RALYL: variants seen among roughly 807,000 people sequenced by gnomAD.
RALYL encodes RALY RNA binding protein like, also known as RNA-binding Raly-like protein.
In RALYL, 29 loss-of-function variants were observed where a neutral mutation model predicts 35.1. That is an observed-to-expected ratio of 0.83 (90% CI 0.61 to 1.13). The LOEUF (loss-of-function observed/expected upper bound fraction) is 1.13, where lower values mean the gene tolerates loss of function less well. Ranked by LOEUF, RALYL falls within the 50% of genes most tolerant of loss-of-function variation. RALYL has a pLI of 0.00. For synonymous variants in RALYL, 120 were observed against 127.6 expected, an observed-to-expected ratio of 0.94 and a Z score of 0.40; for missense variants, 359 against 360.4, an observed-to-expected ratio of 1.00 and a Z score of 0.03.
At chr8:84,804,473 A>C (rs1440553300) in intron 3 of RALYL, among the ~76,000 whole-genome samples, 1 of 152,228 alleles carries the variant, frequency 6.6e-6, no homozygotes, top group Non-Finnish European at 1.5e-5. Context: ...AAAGAAAATG[A>C]GTAGATACAG....
intron 7 of RALYL, among the ~76,000 whole-genome samples, chr8:84,877,499 T>TATATATAATAA (rs1841401880): frequency 3.3e-5 from 5 of 151,300 alleles, no homozygotes. Context: ...CAAATAAATA[T>TATATATAATAA]ATATATATAT....
chr8:84,735,564 C>G (rs917483088), intron 2 of RALYL, among the ~76,000 whole-genome samples: 6 of 151,928 alleles, frequency 3.9e-5, no homozygotes, highest in Non-Finnish European at 8.8e-5. Flanking sequence ...ATTACTGAGT[C>G]CTAACCTAGT....
intron 1 of RALYL, among the ~76,000 whole-genome samples, chr8:84,389,144 G>T (rs1303640754): frequency 1.3e-5 from 2 of 152,076 alleles, no homozygotes; most frequent in Admixed American, 6.6e-5. Flanking sequence ...TCAAAGATCA[G>T]ATAGTTGTAG....
Position 84,185,105 on chromosome 8 carries a change from C to G in RALYL, c.-24+681C>G, listed in dbSNP as rs1326323306. On this transcript the variant is annotated intron_variant, in intron 1 of 8. Transcript: ENST00000521268. ...GATCTTTTTTTTCCCTGTTGTGTTG[C>G]GTTGGTTTTAAGTGCCTGCTGGTGT... 4.2e-6 allele frequency: 6 copies of G among 1,427,532 alleles called. No homozygotes were observed. The Admixed American group carries it at 1.0e-4, about 24-fold the overall frequency. The allele number at this position is 1,427,532 out of a possible 1,614,324, so 88.4% of individuals were successfully genotyped here. A position where few individuals can be genotyped will look rare whatever the true frequency, so the allele number is the denominator to read the frequency against.
At chr8:84,412,070 T>C (rs1217709088) in intron 1 of RALYL, among the ~76,000 whole-genome samples, 1 of 151,988 alleles carries the variant, frequency 6.6e-6, no homozygotes, top group African/African-American at 2.4e-5. Flanking sequence ...ATTTTCACTG[T>C]GTCTAAAATT....
intron 2 of RALYL, among the ~76,000 whole-genome samples, chr8:84,563,547 C>T (rs1396814974): frequency 6.6e-6 from 1 of 151,422 alleles, no homozygotes; most frequent in Non-Finnish European, 1.5e-5. Context: ...GTAAGCAAAG[C>T]TGACTGATTA....
At chr8:84,458,064 A>T (rs922461844) in intron 1 of RALYL, among the ~76,000 whole-genome samples, 2 of 151,842 alleles carry the variant, frequency 1.3e-5, no homozygotes, top group African/African-American at 4.8e-5. Flanking sequence ...GACCATTGGC[A>T]TCTGATCAAA....
At chr8:84,847,024 C>G (rs762846248) in intron 4 of RALYL, among the ~76,000 whole-genome samples, 17 of 152,084 alleles carry the variant, frequency 1.1e-4, no homozygotes, top group Non-Finnish European at 1.6e-4. Context: ...TTTCTAATTC[C>G]CCCATATACT....
intron 3 of RALYL, among the ~76,000 whole-genome samples, chr8:84,792,891 A>G (rs903888289): frequency 6.6e-6 from 1 of 152,210 alleles, no homozygotes; most frequent in Non-Finnish European, 1.5e-5. Context: ...TTCTTTGTAT[A>G]AGAGCAAGTC....
chr8:84,633,999 T>C (rs7004338), intron 2 of RALYL, among the ~76,000 whole-genome samples: 1 of 151,874 alleles, frequency 6.6e-6, no homozygotes, highest in Non-Finnish European at 1.5e-5. Context: ...AATAACTTAG[T>C]ACAGTTCCTG....
chr8:84,670,995 G>A (rs1165286545), intron 2 of RALYL, among the ~76,000 whole-genome samples: 3 of 152,178 alleles, frequency 2.0e-5, no homozygotes, highest in Non-Finnish European at 2.9e-5. Flanking sequence ...TTTAGAGCCT[G>A]TAAAATCAAA....
intron 3 of RALYL, among the ~76,000 whole-genome samples, chr8:84,782,557 C>A (rs1818433226): frequency 1.3e-5 from 2 of 152,206 alleles, no homozygotes; most frequent in Admixed American, 1.3e-4. Context: ...TGTAGCCTGT[C>A]ATGAAATTGT....
Position 84,793,348 on chromosome 8 carries a change from G to A in RALYL, c.333-11422G>A, listed in dbSNP as rs80112487. On this transcript the variant is annotated intron_variant, in intron 3 of 8. Transcript: ENST00000521268. ...TTAGGCTGGGTGGTATGAAACTCAG[G>A]GAAGAAGATGTTTCAAGAAGAATTA... Among the ~76,000 whole-genome samples the A allele has an allele frequency of 9.5e-3, 1,442 of 152,258 alleles. 12 individuals carry two copies. The highest frequency in any genetic ancestry group is 0.014 in the Non-Finnish European group (938 of 68,004).
intron 2 of RALYL, among the ~76,000 whole-genome samples, chr8:84,726,413 T>TA (rs1468136213): frequency 3.3e-5 from 5 of 150,538 alleles, no homozygotes; most frequent in Admixed American, 6.7e-5. Context: ...AAGAGGTATT[T>TA]TTGTTACTAC....
intron 2 of RALYL, among the ~76,000 whole-genome samples, chr8:84,687,328 A>G (rs781596480): frequency 1.3e-5 from 2 of 152,086 alleles, no homozygotes; most frequent in Non-Finnish European, 2.9e-5. Context: ...ATAATTTCCA[A>G]TGTTCCCTCT....
intron 1 of RALYL, among the ~76,000 whole-genome samples, chr8:84,469,859 C>G (rs1364896280): frequency 6.6e-6 from 1 of 152,088 alleles, no homozygotes; most frequent in Non-Finnish European, 1.5e-5. Context: ...TTTTTTAAGC[C>G]CGTCGGAAAA....
intron 1 of RALYL, among the ~76,000 whole-genome samples, chr8:84,373,091 A>ATT (rs375123842): frequency 6.8e-6 from 1 of 147,230 alleles, no homozygotes. Flanking sequence ...TAATGGGGTT[A>ATT]TTTTTTTTTC....
chr8:84,805,966 C>T (rs1306981995), intron 4 of RALYL, among the ~76,000 whole-genome samples: 1 of 152,060 alleles, frequency 6.6e-6, no homozygotes, highest in African/African-American at 2.4e-5. Context: ...TAGGCAGCCA[C>T]AATACTGATG....
chr8:84,464,517 C>T (rs1215316369), intron 1 of RALYL, among the ~76,000 whole-genome samples: 77 of 150,536 alleles, frequency 5.1e-4, no homozygotes, highest in Non-Finnish European at 9.0e-4. Context: ...ATATGTGCCA[C>T]ATTTTCTTAA....
Sources: allele counts gnomAD v4.1 joint callset (sites outside exome capture counted in the v4.1 genomes callset), GRCh38; gene constraint gnomAD v4.1.1; transcripts MANE v1.5; gene names NCBI Gene and HGNC (gene_info 2026-07-23, HGNC 2026-07-21).